FSTL3: variants seen among roughly 807,000 people sequenced by gnomAD.
FSTL3 encodes the protein follistatin-related protein 3.
Under a neutral mutation model 28.1 loss-of-function variants are expected in FSTL3, and 21 were observed. The observed-to-expected ratio is 0.75, with a 90% CI of 0.53 to 1.08. The LOEUF (loss-of-function observed/expected upper bound fraction) is 1.08. Ranked by LOEUF, FSTL3 falls within the 50% of genes least tolerant of loss-of-function variation. The pLI is 0.00. For synonymous variants in FSTL3, 199 were observed against 164.2 expected, an observed-to-expected ratio of 1.21 and a Z score of -1.62; for missense variants, 400 against 380.9, an observed-to-expected ratio of 1.05 and a Z score of -0.42.
At chr19:680,958 G>C (rs1338869475) in intron 3 of FSTL3, 13 of 312,390 alleles carry the variant, frequency 4.2e-5, no homozygotes, top group African/African-American at 2.6e-4. Flanking sequence ...ATGGAACCAG[G>C]GGGGTGAGAC....
chr19:679,033 T>TG (rs1359488350), intron 2 of FSTL3, among the ~76,000 whole-genome samples: 1 of 152,040 alleles, frequency 6.6e-6, no homozygotes, highest in African/African-American at 2.4e-5. Flanking sequence ...CTCTGAGATG[T>TG]GATTAATCCC....
Position 682,019 on chromosome 19 carries a change from G to T in FSTL3, c.*311G>T. On this transcript the variant is annotated 3_prime_UTR_variant, in exon 5 of 5. Transcript: ENST00000166139. Reference sequence around the variant, plus strand: ...AGGATTCCACACTTCCGCTCCTTTGGGGATAAACCTATTAATTATTGCTAC... The same window carrying T: ...AGGATTCCACACTTCCGCTCCTTTGTGGATAAACCTATTAATTATTGCTAC... 1 of 502,790 alleles carries T rather than the reference G, an allele frequency of 2.0e-6. No homozygotes were observed. The highest frequency in any genetic ancestry group is 2.3e-5 in the South Asian group (1 of 42,720). 31.1% of individuals were successfully genotyped at this position (502,790 alleles called of 1,614,324 possible). A position where few individuals can be genotyped will look rare whatever the true frequency, so the allele number is the denominator to read the frequency against.
At chr19:676,888 G>A (rs796406764) in intron 1 of FSTL3, among the ~76,000 whole-genome samples, 4 of 141,372 alleles carry the variant, frequency 2.8e-5, no homozygotes, top group African/African-American at 7.3e-5. Context: ...GCGACCGTCC[G>A]GGTCGGTCCT....
intron 2 of FSTL3, 33 bp from the exon 3 acceptor site, chr19:680,241 G>T: frequency 7.6e-7 from 1 of 1,310,050 alleles, no homozygotes; most frequent in African/African-American, 1.6e-5. Context: ...ACCCTCCCGC[G>T]CCCGGCCCCA....
chr19:679,702 C>T (rs2031283514), intron 2 of FSTL3, among the ~76,000 whole-genome samples: 1 of 152,178 alleles, frequency 6.6e-6, no homozygotes, highest in Non-Finnish European at 1.5e-5. Context: ...GTCTGAGCAG[C>T]GGGGCTGCGG....
chr19:680,001 A>AAC (rs1555683190), intron 2 of FSTL3: 1 of 152,658 alleles, frequency 6.6e-6, no homozygotes, highest in African/African-American at 3.8e-5. Flanking sequence ...CCGGGCAGAG[A>AAC]CCCCCCCCCG....
rs1344178503 is a variant in FSTL3, at chr19:676,423, C to T, written c.-1C>T. 1 of 1,184,226 alleles carries T rather than the reference C, an allele frequency of 8.4e-7. No individual in the cohort carries two copies. The highest frequency in any genetic ancestry group is 1.1e-6 in the Non-Finnish European group (1 of 946,644). 73.4% of individuals were successfully genotyped at this position (1,184,226 alleles called of 1,614,324 possible). A position where few individuals can be genotyped will look rare whatever the true frequency, so the allele number is the denominator to read the frequency against. ...GTGCCGCTGCCGTCTCTGCGTTCGC[C>T]ATGCGTCCCGGGGCGCCAGGGCCAC... On this transcript the variant is annotated 5_prime_UTR_variant, in exon 1 of 5. Coordinates refer to ENST00000166139, the MANE Select transcript of FSTL3 (RefSeq NM_005860.3).
rs538142696 is a variant in FSTL3 at position 682,572 on chromosome 19, C to T, written c.*864C>T. On this transcript the variant is annotated 3_prime_UTR_variant, in exon 5 of 5. Coordinates refer to ENST00000166139, the MANE Select transcript of FSTL3 (RefSeq NM_005860.3). ...CCCACTGCCTCTGTGTGCCCCTTTG[C>T]GTCCTGTGAAGGCCATTGAGAAATG... 2.5e-4 allele frequency: 58 copies of T among 233,672 alleles called. No homozygotes were observed. The South Asian group carries it at 3.2e-3, about 13-fold the overall frequency. 14.5% of individuals were successfully genotyped at this position (233,672 alleles called of 1,614,324 possible).
Position 680,001 on chromosome 19 carries a change from AC to A in FSTL3, c.290-264del, listed in dbSNP as rs1555683187. The A allele has an allele frequency of 6.4e-4, 97 of 152,652 alleles. 1 individual carries two copies. The highest frequency in any genetic ancestry group is 3.3e-3 in the South Asian group (12 of 3,648). The allele number at this position is 152,652 out of a possible 1,614,324, so 9.5% of individuals were successfully genotyped here. A position where few individuals can be genotyped will look rare whatever the true frequency, so the allele number is the denominator to read the frequency against. Reference sequence around the variant, plus strand: ...CGCTGGACCCCGATTCCGGGCAGAGACCCCCCCCCGCCCCGGCCCGCGCGCA... The same window carrying A: ...CGCTGGACCCCGATTCCGGGCAGAGACCCCCCCCGCCCCGGCCCGCGCGCA... On this transcript the variant is annotated intron_variant, in intron 2 of 4. Coordinates refer to ENST00000166139, the MANE Select transcript of FSTL3 (RefSeq NM_005860.3).
chr19:678,038 A>C, intron 2 of FSTL3, 61 bp downstream of exon 2: 1 of 1,518,586 alleles, frequency 6.6e-7, no homozygotes, highest in Non-Finnish European at 9.0e-7. Context: ...ACAAACAGTC[A>C]TGGTGGTCGA....
chr19:677,947 T>C lies in FSTL3; in HGVS notation c.259T>C (p.Leu87=). 6.2e-7 allele frequency: 1 copy of C among 1,613,452 alleles called. No individual in the cohort carries two copies. The highest frequency in any genetic ancestry group is 8.5e-7 in the Non-Finnish European group (1 of 1,179,986). ...PGNKINLLGF[L]GLVHCLPCKD... is the part of the protein sequence containing the mutation. ...GAACAAGATCAACCTCCTCGGCTTC[T>C]TGGGCCTTGTCCACTGCCTTCCCTG... Residue 87 remains leucine, a synonymous_variant, in exon 2 of 5, where the codon TTG becomes CTG. Transcript: ENST00000166139.
In FSTL3 at chr19:680,362, G is replaced by C. The variant is rs939894874; in HGVS notation, c.378G>C (p.Ser126=). Residue 126 remains serine (S), a synonymous_variant, in exon 3 of 5, where the codon TCG becomes TCC. Coordinates refer to ENST00000166139, the MANE Select transcript of FSTL3 (RefSeq NM_005860.3). ...GCTGCGAGTGCGCGCCCGACTGCTC[G>C]GGGCTCCCGGCGCGGCTGCAGGTCT... The part of the protein sequence containing the change: ...RPRCECAPDC[S]GLPARLQVCG... 2.8e-5 allele frequency: 36 copies of C among 1,280,966 alleles called. No individual in the cohort carries two copies. Among genetic ancestry groups the C allele is most frequent in the Non-Finnish European group, 3.3e-5 (34 of 1,016,648 alleles). The allele number at this position is 1,280,966 out of a possible 1,614,324, so 79.3% of individuals were successfully genotyped here. A position where few individuals can be genotyped will look rare whatever the true frequency, so the allele number is the denominator to read the frequency against.
rs202196154 is a variant in FSTL3 at position 681,684 on chromosome 19, A to G, written c.768A>G (p.Ala256=). ...AGGAGCCGCCAGGTGGTGAGTCTGC[A>G]GAAGAGGAAGAGAACTTCGTGTGAG... ...TPEEPPGGES[A]EEEENFV Residue 256 remains alanine, a synonymous_variant, in exon 5 of 5, where the codon GCA becomes GCG. Coordinates refer to ENST00000166139, the MANE Select transcript of FSTL3 (RefSeq NM_005860.3). The G allele has an allele frequency of 4.3e-5, 68 of 1,566,274 alleles. No individual in the cohort carries two copies. In the East Asian group the frequency reaches 1.5e-3, roughly 35 times the overall value.
At position 677,977 on chromosome 19, in the gene FSTL3, G is replaced by A. The variant is rs2031247656; in HGVS notation, c.289G>A (p.Asp97Asn). The A allele has an allele frequency of 6.2e-7, 1 of 1,612,560 alleles. No homozygotes were observed. The highest frequency in any genetic ancestry group is 8.5e-7 in the Non-Finnish European group (1 of 1,179,616). ...CCTTGTCCACTGCCTTCCCTGCAAA[G>A]GTGAGACCTCAGGCCAGAAGCAGGG... ...LGLVHCLPCK[D>N]SCDGVECGPG... Residue 97 changes from aspartate (D) to asparagine (N), a missense_variant and splice_region_variant, in exon 2 of 5, where the codon GAT becomes AAT. By Grantham distance (23) the Asp-to-Asn change is conservative. Coordinates refer to ENST00000166139, the MANE Select transcript of FSTL3 (RefSeq NM_005860.3).
In FSTL3 at chr19:681,489, C is replaced by A. The variant is rs199545804; in HGVS notation, c.662C>A (p.Ser221Ter). ...AACAACAACGTCACCTACATCTCCT[C>A]GTGCCACATGCGCCAGGCCACCTGC... ...CGNNNVTYIS[S>*]CHMRQATCFL... Residue 221 changes from serine (S) to a stop codon, truncating the protein, a stop_gained, in exon 4 of 5, where the codon TCG becomes TAG. Transcript: ENST00000166139. LOFTEE classifies it high-confidence loss of function. The A allele has an allele frequency of 6.2e-7, 1 of 1,603,892 alleles. No individual in the cohort carries two copies. The highest frequency in any genetic ancestry group is 2.2e-5 in the East Asian group (1 of 44,868).
intron 2 of FSTL3, chr19:680,037 GC>G: frequency 7.5e-6 from 1 of 132,634 alleles, no homozygotes; most frequent in Non-Finnish European, 1.4e-5. Flanking sequence ...ACCGAGCCCA[GC>G]CCCCGCCCCC....
At chr19:679,560 G>T (rs541964674) in intron 2 of FSTL3, among the ~76,000 whole-genome samples, 1 of 152,232 alleles carries the variant, frequency 6.6e-6, no homozygotes, top group African/African-American at 2.4e-5. Flanking sequence ...GCTGCGACCC[G>T]GCCTCAGTTT....
At position 677,826 on chromosome 19, in the gene FSTL3, C is replaced by T. The variant is rs746769033; in HGVS notation, c.138C>T (p.Ala46=). The T allele has an allele frequency of 1.2e-6, 2 of 1,612,028 alleles. No homozygotes were observed. Among genetic ancestry groups the T allele is most frequent in the East Asian group, 4.5e-5 (2 of 44,882 alleles). Residue 46 remains alanine, a synonymous_variant, in exon 2 of 5, where the codon GCC becomes GCT. Transcript: ENST00000166139. ...GCTGGCTCCAGCAGGGCCAGGAGGCCACCTGCAGCCTGGTGCTCCAGACTG... is the reference window on the plus strand; with the variant it reads ...GCTGGCTCCAGCAGGGCCAGGAGGCTACCTGCAGCCTGGTGCTCCAGACTG... ...GVCWLQQGQE[A]TCSLVLQTDV... is the part of the protein sequence containing the mutation.
intron 3 of FSTL3, 78 bp downstream of exon 3, chr19:680,567 C>A (rs1459116090): frequency 3.4e-6 from 3 of 874,208 alleles, no homozygotes; most frequent in Non-Finnish European, 4.5e-6. Context: ...GCTGCTGCCG[C>A]AGTAGGCGGG....
Sources: gnomAD v4.1 joint callset for allele counts (sites outside exome capture counted in the v4.1 genomes callset) on GRCh38, gnomAD v4.1.1 for gene constraint, MANE v1.5 for transcripts, NCBI Gene and HGNC (gene_info 2026-07-23, HGNC 2026-07-21) for gene names.